The following SGSM2 variants were observed in gnomAD, a reference collection of about 807,000 sequenced individuals.
The protein encoded by SGSM2 is RUN and TBC1 domain containing 1.
A neutral mutation model predicts 126.6 loss-of-function variants in SGSM2; 89 were observed. The ratio of observed to expected loss-of-function variants is 0.70; its 90% CI spans 0.59 to 0.84. The LOEUF (loss-of-function observed/expected upper bound fraction) is 0.84, where lower values mean the gene tolerates loss of function less well. Ranked by LOEUF, SGSM2 falls within the 40% of genes least tolerant of loss-of-function variation. The probability of loss-of-function intolerance (pLI) is 0.00; values close to 1 mark genes in which losing one functional copy is unlikely to be tolerated. For missense variants in SGSM2, 1,404 were observed against 1,416.6 expected, an observed-to-expected ratio of 0.99 and a Z score of 0.14; for synonymous variants, 614 against 574.3, an observed-to-expected ratio of 1.07 and a Z score of -0.99.
In SGSM2 at chr17:2,375,788, G is replaced by T; in HGVS notation, c.2397G>T (p.Glu799Asp). Residue 799 changes from glutamate to aspartate, a missense_variant, in exon 18 of 24, where the codon GAG (glutamate) becomes GAT (aspartate). Physicochemically the swap from Glu to Asp is conservative, Grantham distance 45. Coordinates refer to ENST00000268989, the MANE Select transcript of SGSM2 (RefSeq NM_014853.3). The part of the protein sequence containing the change: ...GPGPAAHTLR[E>D]PQDPSQEKPQ... ...GCCCTGCAGCTCACACTTTGAGGGA[G>T]CCCCAGGATCCCAGCCAGGAGAAGC... 6.3e-7 allele frequency: 1 copy of T among 1,579,574 alleles called. No individual in the cohort carries two copies. Among genetic ancestry groups the T allele is most frequent in the Non-Finnish European group, 8.6e-7 (1 of 1,162,792 alleles).
rs2064139583 is a variant in SGSM2 at position 2,337,712 on chromosome 17, C to CA, written c.27dup (p.Glu10ArgfsTer26). 6.5e-7 allele frequency: 1 copy of CA among 1,543,528 alleles called. No homozygotes were observed. Among genetic ancestry groups the CA allele is most frequent in the African/African-American group, 1.4e-5 (1 of 71,054 alleles). On this transcript the variant is annotated frameshift_variant, in exon 1 of 24. Coordinates refer to ENST00000268989, the MANE Select transcript of SGSM2 (RefSeq NM_014853.3). LOFTEE classifies it high-confidence loss of function. This position sits in a 1 kb window ranked among gnomAD's most constrained non-coding sequence, Gnocchi z 5.1. ...CCATGGGCAGCGCAGAGGACGCAGT[C>CA]AAAGAGAAACTGCTGTGGAACGTGA...
chr17:2,361,157 C>T (rs531990408), intron 2 of SGSM2, among the ~76,000 whole-genome samples: 3 of 152,348 alleles, frequency 2.0e-5, no homozygotes, highest in East Asian at 3.9e-4. Context: ...CTGCTGGGCT[C>T]ATCAGTCCAG....
Position 2,376,827 on chromosome 17 carries a change from C to CGGGACAT in SGSM2, c.2692+18_2692+24dup. On this transcript the variant is annotated intron_variant, in intron 20 of 23. Transcript: ENST00000268989. ...CACCCTCGACAATGGTGAGGGATGG[C>CGGGACAT]GGGACATGGGACTGGGCTGCGTAAG... 6.2e-7 allele frequency: 1 copy of CGGGACAT among 1,613,844 alleles called. No individual in the cohort carries two copies. Among genetic ancestry groups the CGGGACAT allele is most frequent in the South Asian group, 1.1e-5 (1 of 91,076 alleles).
At chr17:2,369,628 A>G (rs2065768121) in intron 12 of SGSM2, among the ~76,000 whole-genome samples, 1 of 152,112 alleles carries the variant, frequency 6.6e-6, no homozygotes, top group African/African-American at 2.4e-5. Context: ...TTGGCCCAGG[A>G]GACCTTGGCT....
intron 1 of SGSM2, among the ~76,000 whole-genome samples, chr17:2,342,425 G>GAAAC (rs767402968): frequency 6.6e-6 from 1 of 151,396 alleles, no homozygotes; most frequent in African/African-American, 2.4e-5. Context: ...CTCCATTTCA[G>GAAAC]AAACAAACAA....
intron 8 of SGSM2, 123 bp from the exon 9 acceptor site, chr17:2,364,473 C>T (rs1012952698): frequency 1.9e-6 from 2 of 1,077,716 alleles, no homozygotes; most frequent in East Asian, 2.4e-5. Context: ...GCTGTGTGCA[C>T]CTCTTGGCTA....
At position 2,362,139 on chromosome 17, in the gene SGSM2, G is replaced by C. The variant is rs371449331; in HGVS notation, c.327G>C (p.Leu109=). 53 of 1,613,470 alleles carry C rather than the reference G, an allele frequency of 3.3e-5. No homozygotes were observed. In the African/African-American group the frequency reaches 6.8e-4, roughly 21 times the overall value. ...RKPSGVSQEA[L]RRQGSASGKA... ...CCTCAGGGGTCAGCCAGGAGGCCCTGCGGAGACAGGGCTCAGCCAGCGGGA... is the reference window on the plus strand; with the variant it reads ...CCTCAGGGGTCAGCCAGGAGGCCCTCCGGAGACAGGGCTCAGCCAGCGGGA... The change falls in exon 4 of 24, where the codon CTG becomes CTC. Residue 109 remains leucine, a synonymous_variant. Coordinates refer to ENST00000268989, the MANE Select transcript of SGSM2 (RefSeq NM_014853.3). The surrounding 1 kb of genome is among the most constrained non-coding windows in gnomAD (Gnocchi z 4.9).
chr17:2,363,129 C>G lies in SGSM2; in HGVS notation c.667C>G (p.Leu223Val). 6.2e-7 allele frequency: 1 copy of G among 1,600,992 alleles called. No homozygotes were observed. The highest frequency in any genetic ancestry group is 1.1e-5 in the South Asian group (1 of 89,666). ...GGACTCCCCTGCAAAGCGCCCAGCC[C>G]TGGGGGTAGGTGCCCCCTCCCCACC... ...RQDSPAKRPALGIRKRHSSGS... is the reference protein window; with the variant it reads ...RQDSPAKRPAVGIRKRHSSGS... The change falls in exon 6 of 24, where the codon CTG (leucine) becomes GTG (valine). Residue 223 changes from leucine (L) to valine (V), a missense_variant. Leu to Val is a conservative substitution (Grantham distance 32, BLOSUM62 1). Coordinates refer to ENST00000268989, the MANE Select transcript of SGSM2 (RefSeq NM_014853.3). This position sits in a 1 kb window ranked among gnomAD's most constrained non-coding sequence, Gnocchi z 4.2.
intron 13 of SGSM2, chr17:2,371,621 T>C: frequency 1.7e-6 from 1 of 602,500 alleles, no homozygotes; most frequent in Non-Finnish European, 2.8e-6. Context: ...CTCAGTTTCC[T>C]CATCTGTAAA....
chr17:2,363,025 C>G lies in SGSM2; in HGVS notation c.563C>G (p.Thr188Arg), dbSNP rs767629912. ...PCALEYTKLK[T>R]ADHYWTDPSA... ...GCCTTGGAATACACTAAGCTCAAGA[C>G]AGCCGATCACTACTGGACTGACCCC... Residue 188 changes from threonine (T) to arginine (R), a missense_variant, in exon 6 of 24, where the codon ACA becomes AGA. Transcript: ENST00000268989. This position sits in a 1 kb window ranked among gnomAD's most constrained non-coding sequence, Gnocchi z 4.2. 1.3e-5 allele frequency: 21 copies of G among 1,613,938 alleles called. No individual in the cohort carries two copies. Among genetic ancestry groups the G allele is most frequent in the Non-Finnish European group, 1.7e-5 (20 of 1,180,056 alleles).
chr17:2,365,394 C>A, intron 11 of SGSM2, 53 bp downstream of exon 11: 3 of 1,482,416 alleles, frequency 2.0e-6, no homozygotes, highest in South Asian at 1.4e-5. Context: ...CTCTGGGAGG[C>A]GGGGAGCGCA....
At chr17:2,344,176 G>C (rs1001820790) in intron 2 of SGSM2, among the ~76,000 whole-genome samples, 1 of 152,170 alleles carries the variant, frequency 6.6e-6, no homozygotes, top group African/African-American at 2.4e-5. Flanking sequence ...GCCTCAGAAG[G>C]GACTCTCTCA....
At position 2,379,183 on chromosome 17, in the gene SGSM2, ACAT is replaced by A. The variant is rs751168239; in HGVS notation, c.3053_3055del (p.Ile1018del). On this transcript the variant is annotated inframe_deletion, in exon 23 of 24. Coordinates refer to ENST00000268989, the MANE Select transcript of SGSM2 (RefSeq NM_014853.3). ...CGTGACAACAACATGGACTTCACTG[ACAT>A]CATCAAGTTTTTCAATGGTACGAGC... is the stretch of plus-strand genomic sequence containing the variant. 16 of 1,613,788 alleles carry A rather than the reference ACAT, an allele frequency of 9.9e-6. No homozygotes were observed. The highest frequency in any genetic ancestry group is 2.2e-5 in the South Asian group (2 of 91,068).
intron 2 of SGSM2, among the ~76,000 whole-genome samples, chr17:2,351,951 C>G (rs1389347631): frequency 6.6e-6 from 1 of 152,110 alleles, no homozygotes; most frequent in Non-Finnish European, 1.5e-5. Flanking sequence ...AAAATGCACC[C>G]TAGTTACCGC....
Position 2,371,454 on chromosome 17 carries a change from T to C in SGSM2, c.1577+39T>C, listed in dbSNP as rs113666188. On this transcript the variant is annotated intron_variant, in intron 13 of 23. Transcript: ENST00000268989. ...GCTCGGCCCCAGCTTCCCGTTAGCG[T>C]GTCCAGCCACGTGTGTGTCCGTCTG... is the stretch of plus-strand genomic sequence containing the variant. 1.0e-5 allele frequency: 16 copies of C among 1,553,384 alleles called. No homozygotes were observed. The African/African-American group carries it at 1.5e-4, about 15-fold the overall frequency.
At position 2,367,584 on chromosome 17, in the gene SGSM2, A is replaced by C. The variant is rs1438199675; in HGVS notation, c.1423+179A>C. Among the ~76,000 whole-genome samples the C allele has an allele frequency of 6.6e-6, 1 of 152,190 alleles. No individual in the cohort carries two copies. The highest frequency in any genetic ancestry group is 1.9e-4 in the East Asian group (1 of 5,184). On this transcript the variant is annotated intron_variant, in intron 12 of 23. Transcript: ENST00000268989. This position sits in a 1 kb window ranked among gnomAD's most constrained non-coding sequence, Gnocchi z 4.0. Reference sequence around the variant, plus strand: ...AGAAGGAGGCCAGACAGGTGCTGGCAAGAAAAGGGGCTGGCCCAGGGCAGG... The same window carrying C: ...AGAAGGAGGCCAGACAGGTGCTGGCCAGAAAAGGGGCTGGCCCAGGGCAGG...
At chr17:2,354,504 C>A (rs940354859) in intron 2 of SGSM2, among the ~76,000 whole-genome samples, 3 of 152,218 alleles carry the variant, frequency 2.0e-5, no homozygotes, top group Admixed American at 2.0e-4. Flanking sequence ...TTCAGAGTTG[C>A]ATGATATTCT....
At chr17:2,377,598 T>C (rs1295459181) in intron 21 of SGSM2, 1 of 325,252 alleles carries the variant, frequency 3.1e-6, no homozygotes, top group African/African-American at 2.2e-5. Flanking sequence ...GCTGATGACA[T>C]CAGACACCCA....
chr17:2,366,003 C>T (rs1171238943), intron 11 of SGSM2, among the ~76,000 whole-genome samples: 1 of 152,182 alleles, frequency 6.6e-6, no homozygotes, highest in Non-Finnish European at 1.5e-5. Context: ...CTCAGCCTCC[C>T]AAAGTGCTAG....
Sources: allele counts gnomAD v4.1 joint callset (sites outside exome capture counted in the v4.1 genomes callset), GRCh38; gene constraint gnomAD v4.1.1; non-coding constraint Gnocchi (gnomAD v3.1); transcripts MANE v1.5; gene names NCBI Gene and HGNC (gene_info 2026-07-23, HGNC 2026-07-21).